ANKRD44: variants seen among roughly 807,000 people sequenced by gnomAD.
ANKRD44 encodes serine/threonine-protein phosphatase 6 regulatory ankyrin repeat subunit B.
Under a neutral mutation model 116.0 loss-of-function variants are expected in ANKRD44, and 35 were observed. The ratio of observed to expected loss-of-function variants is 0.30; its 90% CI spans 0.23 to 0.40. The LOEUF is 0.40. ANKRD44 is among the 10% of genes least tolerant of loss of function. The pLI, the probability that ANKRD44 is intolerant of heterozygous loss-of-function variation, is 1.00. For synonymous variants in ANKRD44, 435 were observed against 461.8 expected (o/e 0.94, Z 0.74); for missense variants, 1,014 against 1,242.6 (o/e 0.82, Z 2.77).
intron 17 of ANKRD44, chr2:197,015,087 G>A: frequency 4.0e-6 from 1 of 250,442 alleles, no homozygotes; most frequent in Non-Finnish European, 8.1e-6. Flanking sequence ...TTCACAGGTT[G>A]TGTGGTAATA....
intron 1 of ANKRD44, among the ~76,000 whole-genome samples, chr2:197,277,029 G>A (rs1329594751): frequency 1.3e-5 from 2 of 150,720 alleles, no homozygotes; most frequent in Non-Finnish European, 2.9e-5. Flanking sequence ...CCACGTTCAC[G>A]CCATTCTCCT....
chr2:197,167,422 C>G (rs2080124030), intron 2 of ANKRD44, among the ~76,000 whole-genome samples: 1 of 152,146 alleles, frequency 6.6e-6, no homozygotes, highest in Non-Finnish European at 1.5e-5. Flanking sequence ...CTATATTCCC[C>G]TTTTTGGAAT....
intron 1 of ANKRD44, among the ~76,000 whole-genome samples, chr2:197,232,101 T>A (rs928404547): frequency 3.3e-5 from 5 of 152,198 alleles, no homozygotes; most frequent in Admixed American, 3.3e-4. Context: ...AAGAAGGTGA[T>A]AATCTAGTTT....
chr2:197,163,650 G>A (rs1017114606), intron 2 of ANKRD44, among the ~76,000 whole-genome samples: 1 of 152,076 alleles, frequency 6.6e-6, no homozygotes, highest in Non-Finnish European at 1.5e-5. Flanking sequence ...CCAGTGCTGG[G>A]AGGGAGGACT....
intron 1 of ANKRD44, among the ~76,000 whole-genome samples, chr2:197,256,208 A>G (rs572418997): frequency 6.6e-6 from 1 of 152,352 alleles, no homozygotes; most frequent in South Asian, 2.1e-4. Flanking sequence ...ATTTCAGATA[A>G]TGAACTAGTT....
At chr2:197,000,081 T>C (rs1031797897) in intron 23 of ANKRD44, among the ~76,000 whole-genome samples, 1 of 152,164 alleles carries the variant, frequency 6.6e-6, no homozygotes, top group Admixed American at 6.5e-5. Flanking sequence ...CTCCAAGATA[T>C]ACTAAAAGCA....
chr2:197,029,415 G>T, intron 16 of ANKRD44: 1 of 306,782 alleles, frequency 3.3e-6, no homozygotes, highest in Non-Finnish European at 6.2e-6. Context: ...GGAGCTCTAG[G>T]CTTTTCAAGA....
chr2:196,987,270 G>A lies in ANKRD44; in HGVS notation c.*2321C>T, dbSNP rs1324705533. ...TAAGCATTTTCATATTCATTTCAAT[G>A]CAAGTACAAGGGGAAATAGGAAAAA... is the stretch of plus-strand genomic sequence containing the variant. On this transcript the variant is annotated 3_prime_UTR_variant, in exon 28 of 28. Coordinates refer to ENST00000282272, the MANE Select transcript of ANKRD44 (RefSeq NM_001195144.2). The A allele has an allele frequency of 1.0e-6, 1 of 984,730 alleles. No homozygotes were observed. The highest frequency in any genetic ancestry group is 1.1e-4 in the East Asian group (1 of 8,816). The allele number at this position is 984,730 out of a possible 1,614,324, so 61.0% of individuals were successfully genotyped here.
At chr2:197,098,051 C>G (rs532667993) in intron 10 of ANKRD44, among the ~76,000 whole-genome samples, 1 of 152,250 alleles carries the variant, frequency 6.6e-6, no homozygotes, top group Non-Finnish European at 1.5e-5. Flanking sequence ...TCTTTCTACC[C>G]CATAATTATG....
At chr2:197,013,764 C>T (rs777415360) in intron 17 of ANKRD44, 52 bp from the exon 18 acceptor site, 6 of 1,598,182 alleles carry the variant, frequency 3.8e-6, no homozygotes, top group Admixed American at 1.7e-5. Flanking sequence ...CCTCAAATCC[C>T]GCCACAGTCC....
At chr2:197,209,424 C>A (rs1018082863) in intron 1 of ANKRD44, among the ~76,000 whole-genome samples, 2 of 152,134 alleles carry the variant, frequency 1.3e-5, no homozygotes, top group Non-Finnish European at 2.9e-5. Flanking sequence ...GGATGGGAGT[C>A]GGAGAAAGGC....
At chr2:197,165,961 C>A (rs1468168842) in intron 2 of ANKRD44, among the ~76,000 whole-genome samples, 2 of 152,174 alleles carry the variant, frequency 1.3e-5, no homozygotes, top group Admixed American at 6.5e-5. Flanking sequence ...AGACATGACA[C>A]TGTTCTTGCC....
intron 16 of ANKRD44, among the ~76,000 whole-genome samples, chr2:197,073,345 C>T (rs541099514): frequency 1.1e-4 from 17 of 152,324 alleles, no homozygotes; most frequent in African/African-American, 4.1e-4. Flanking sequence ...TTATATTCCC[C>T]TCTCCACACT....
At chr2:197,252,805 A>G (rs1181726272) in intron 1 of ANKRD44, among the ~76,000 whole-genome samples, 1 of 152,204 alleles carries the variant, frequency 6.6e-6, no homozygotes, top group East Asian at 1.9e-4. Context: ...AAATGCTGCT[A>G]GGCAAAAGAC....
intron 22 of ANKRD44, among the ~76,000 whole-genome samples, chr2:197,001,259 G>A (rs1212406797): frequency 6.6e-6 from 1 of 152,194 alleles, no homozygotes; most frequent in Non-Finnish European, 1.5e-5. Context: ...ATGGAAGTCT[G>A]ACTTAAAGTC....
intron 21 of ANKRD44, among the ~76,000 whole-genome samples, chr2:196,976,494 C>T (rs2125861975): frequency 6.6e-6 from 1 of 152,094 alleles, no homozygotes; most frequent in South Asian, 2.1e-4. Context: ...AAGTAATCAT[C>T]CTATACAGAT....
intron 12 of ANKRD44, among the ~76,000 whole-genome samples, chr2:197,087,303 AT>A (rs1225576504): frequency 2.6e-5 from 4 of 152,252 alleles, no homozygotes; most frequent in Non-Finnish European, 5.9e-5. Flanking sequence ...AAATGATGTC[AT>A]GGAGCACAGT....
intron 2 of ANKRD44, among the ~76,000 whole-genome samples, chr2:197,182,331 C>G (rs1404239672): frequency 6.6e-6 from 1 of 152,158 alleles, no homozygotes; most frequent in Non-Finnish European, 1.5e-5. Flanking sequence ...CCTCCTGACC[C>G]TTCAGTGGCT....
At chr2:197,054,980 T>G (rs1223411527) in intron 16 of ANKRD44, among the ~76,000 whole-genome samples, 1 of 152,166 alleles carries the variant, frequency 6.6e-6, no homozygotes, top group African/African-American at 2.4e-5. Flanking sequence ...CAAATCTCCC[T>G]CACAGAGCAA....
Sources: allele counts gnomAD v4.1 joint callset (sites outside exome capture counted in the v4.1 genomes callset), GRCh38; gene constraint gnomAD v4.1.1; transcripts MANE v1.5; gene names NCBI Gene and HGNC (gene_info 2026-07-23, HGNC 2026-07-21).